SPPL3: variants seen among roughly 807,000 people sequenced by gnomAD.
SPPL3 encodes signal peptide peptidase like 3, also known as signal peptide peptidase-like 3.
A neutral mutation model predicts 42.4 loss-of-function variants in SPPL3; 5 were observed. The observed-to-expected ratio is 0.12, with a 90% CI of 0.06 to 0.25. The LOEUF is 0.25. Among genes scored for constraint, SPPL3 ranks in the 10% least tolerant of loss-of-function variants. SPPL3 has a pLI of 1.00. For synonymous variants in SPPL3, 195 were observed against 181.8 expected (o/e 1.07, Z -0.58); for missense variants, 235 against 489.0 (o/e 0.48, Z 4.90).
chr12:120,896,333 T>C (rs1873800531), intron 1 of SPPL3, among the ~76,000 whole-genome samples: 1 of 152,210 alleles, frequency 6.6e-6, no homozygotes, highest in Non-Finnish European at 1.5e-5. Context: ...AACAATTCAT[T>C]GAGAGGATCA....
chr12:120,865,384 T>C (rs1055309949), intron 1 of SPPL3, among the ~76,000 whole-genome samples: 3 of 152,216 alleles, frequency 2.0e-5, no homozygotes, highest in African/African-American at 7.2e-5. Flanking sequence ...GGCTCTAAAG[T>C]CAGTTTGCTT....
chr12:120,785,422 A>T (rs1411540070), intron 3 of SPPL3, among the ~76,000 whole-genome samples: 1 of 152,158 alleles, frequency 6.6e-6, no homozygotes, highest in Non-Finnish European at 1.5e-5. Context: ...AATCCCAGAC[A>T]AATTAAATGA....
At chr12:120,798,441 T>C (rs1870179187) in intron 2 of SPPL3, among the ~76,000 whole-genome samples, 1 of 152,236 alleles carries the variant, frequency 6.6e-6, no homozygotes, top group African/African-American at 2.4e-5. Context: ...GTATTTTGCA[T>C]ATATTTCCCC....
chr12:120,873,632 T>C (rs548421595), intron 1 of SPPL3, among the ~76,000 whole-genome samples: 2 of 152,236 alleles, frequency 1.3e-5, no homozygotes, highest in South Asian at 2.1e-4. Flanking sequence ...CCCAGCACTT[T>C]GGGAGGCTGA....
chr12:120,779,820 CAAAAAAAAA>C (rs1164272443), intron 6 of SPPL3, among the ~76,000 whole-genome samples: 42 of 42,782 alleles, frequency 9.8e-4, no homozygotes, highest in South Asian at 3.0e-3. Flanking sequence ...ACTAAAAATA[CAAAAAAAAA>C]AAAAAAAAAA....
chr12:120,854,412 T>C, intron 1 of SPPL3, among the ~76,000 whole-genome samples: 1 of 152,212 alleles, frequency 6.6e-6, no homozygotes, highest in East Asian at 1.9e-4. Context: ...AATCTAGTCT[T>C]GCCAACATAC....
At chr12:120,859,200 T>G (rs1872554411) in intron 1 of SPPL3, among the ~76,000 whole-genome samples, 1 of 152,236 alleles carries the variant, frequency 6.6e-6, no homozygotes, top group East Asian at 1.9e-4. Context: ...TTTCAGAATA[T>G]TTGTATTATA....
chr12:120,897,752 T>C (rs1593017202), intron 1 of SPPL3, among the ~76,000 whole-genome samples: 1 of 152,218 alleles, frequency 6.6e-6, no homozygotes, highest in Middle Eastern at 3.4e-3. Context: ...GAGCAAATCT[T>C]CTAAAGTCTA....
At chr12:120,858,911 T>C (rs1472159658) in intron 1 of SPPL3, among the ~76,000 whole-genome samples, 1 of 152,200 alleles carries the variant, frequency 6.6e-6, no homozygotes, top group African/African-American at 2.4e-5. Context: ...CAGGGTCACA[T>C]GGTAAATTTG....
rs869283065 is a variant in SPPL3 at position 120,898,314 on chromosome 12, T to TAAA, written c.23+5528_23+5530dup. Among the ~76,000 whole-genome samples, 220 of 64,300 alleles carry TAAA rather than the reference T, an allele frequency of 3.4e-3. 3 individuals carry two copies. Among genetic ancestry groups the TAAA allele is most frequent in the African/African-American group, 0.012 (213 of 17,638 alleles). 42.2% of individuals were successfully genotyped at this position (64,300 alleles called of 152,430 possible). On this transcript the variant is annotated intron_variant, in intron 1 of 10. Coordinates refer to ENST00000353487, the MANE Select transcript of SPPL3 (RefSeq NM_139015.5). ...AGACTCTGTTTTTTTTTTTTTTTTT[T>TAAA]AAAAAAAAAAAAAAAAAAAAAGATG...
At chr12:120,892,534 G>C (rs1873671688) in intron 1 of SPPL3, among the ~76,000 whole-genome samples, 1 of 152,192 alleles carries the variant, frequency 6.6e-6, no homozygotes, top group Non-Finnish European at 1.5e-5. Flanking sequence ...AGAGGAAACA[G>C]AAGTAACCCA....
chr12:120,845,858 T>TTATCTATCTATCTATCTATC (rs60954976), intron 1 of SPPL3, among the ~76,000 whole-genome samples: 1 of 147,302 alleles, frequency 6.8e-6, no homozygotes, highest in African/African-American at 2.5e-5. Flanking sequence ...TTAGAATCCA[T>TTATCTATCTATCTATCTATC]TATCTATCTA....
intron 1 of SPPL3, among the ~76,000 whole-genome samples, chr12:120,819,500 A>C (rs774663716): frequency 2.0e-5 from 3 of 152,240 alleles, no homozygotes; most frequent in Non-Finnish European, 2.9e-5. Context: ...TGATAAAAAC[A>C]CTTTTTTTCC....
At chr12:120,847,260 G>C (rs901342056) in intron 1 of SPPL3, among the ~76,000 whole-genome samples, 1 of 151,970 alleles carries the variant, frequency 6.6e-6, no homozygotes, top group African/African-American at 2.4e-5. Context: ...CTTTGGGGAA[G>C]GTGGAAACAT....
At chr12:120,801,263 A>C (rs619074) in intron 2 of SPPL3, among the ~76,000 whole-genome samples, 5,711 of 152,246 alleles carry the variant, frequency 0.038, 367 homozygotes, top group African/African-American at 0.13. Flanking sequence ...TTTCATCTAC[A>C]TGACAGGACC....
rs538877596 is a variant in SPPL3, at chr12:120,824,231, C to T, written c.24-13345G>A. On this transcript the variant is annotated intron_variant, in intron 1 of 10. Coordinates refer to ENST00000353487, the MANE Select transcript of SPPL3 (RefSeq NM_139015.5). ...TAGGAAGAAGCAAGCTGAAGACCTACGTATCACATAAAACCACTTTTATTA... is the reference window on the plus strand; with the variant it reads ...TAGGAAGAAGCAAGCTGAAGACCTATGTATCACATAAAACCACTTTTATTA... 4.6e-5 allele frequency among the ~76,000 whole-genome samples: 7 copies of T among 152,118 alleles called. No individual in the cohort carries two copies. In the South Asian group the frequency reaches 1.2e-3, roughly 27 times the overall value.
intron 2 of SPPL3, among the ~76,000 whole-genome samples, chr12:120,806,354 T>C (rs1442764487): frequency 5.3e-5 from 8 of 152,004 alleles, no homozygotes; most frequent in African/African-American, 1.7e-4. Context: ...CATGCCACCA[T>C]GTCAGCAATG....
intron 1 of SPPL3, among the ~76,000 whole-genome samples, chr12:120,826,427 G>T (rs1871234538): frequency 6.6e-6 from 1 of 152,046 alleles, no homozygotes. Flanking sequence ...TCCCAATTTA[G>T]GCACTCATGT....
At chr12:120,896,754 G>A (rs902635682) in intron 1 of SPPL3, among the ~76,000 whole-genome samples, 2 of 151,892 alleles carry the variant, frequency 1.3e-5, no homozygotes, top group Non-Finnish European at 2.9e-5. Context: ...ACTCTAGACT[G>A]GGTGACAGGG....
Sources: allele counts gnomAD v4.1 joint callset (sites outside exome capture counted in the v4.1 genomes callset), GRCh38; gene constraint gnomAD v4.1.1; transcripts MANE v1.5; gene names NCBI Gene and HGNC (gene_info 2026-07-23, HGNC 2026-07-21).